The following MACROD2 variants were observed in gnomAD, a reference collection of about 807,000 sequenced individuals.
The protein encoded by MACROD2 is mono-ADP ribosylhydrolase 2.
A neutral mutation model predicts 70.4 loss-of-function variants in MACROD2; 36 were observed. The observed-to-expected ratio is 0.51, with a 90% CI of 0.39 to 0.68. MACROD2 has a LOEUF of 0.68. MACROD2 is among the 30% of genes least tolerant of loss of function. The pLI, the probability that MACROD2 is intolerant of heterozygous loss-of-function variation, is 0.00. For missense variants in MACROD2, 496 were observed against 538.4 expected (o/e 0.92, Z 0.78); for synonymous variants, 172 against 178.8 (o/e 0.96, Z 0.30).
At chr20:15,389,133 A>G (rs1600337781) in intron 6 of MACROD2, among the ~76,000 whole-genome samples, 1 of 152,126 alleles carries the variant, frequency 6.6e-6, no homozygotes, top group African/African-American at 2.4e-5. Flanking sequence ...AAGTGGAGGG[A>G]GTAGAGACAT....
rs1291871228 is a variant in MACROD2 at position 15,378,720 on chromosome 20, T to C, written c.541-52685T>C. On this transcript the variant is annotated intron_variant, in intron 6 of 17. Transcript: ENST00000684519. ...ATCACTTTAACAGTTAAAAAGTATA[T>C]GTGATTTTTATATATGTGAAACTTT... is the stretch of plus-strand genomic sequence containing the variant. Among the ~76,000 whole-genome samples, 4 of 152,178 alleles carry C rather than the reference T, an allele frequency of 2.6e-5. No individual in the cohort carries two copies. In the East Asian group the frequency reaches 5.8e-4, roughly 22 times the overall value.
At chr20:15,142,594 G>A (rs1269464260) in intron 5 of MACROD2, among the ~76,000 whole-genome samples, 1 of 151,996 alleles carries the variant, frequency 6.6e-6, no homozygotes, top group East Asian at 1.9e-4. Context: ...CATGTGCCAT[G>A]TTGGTGTGCT....
chr20:15,743,123 G>A (rs753918416), intron 8 of MACROD2, among the ~76,000 whole-genome samples: 16 of 152,254 alleles, frequency 1.1e-4, no homozygotes, highest in Non-Finnish European at 2.1e-4. Flanking sequence ...GAAGAACCTG[G>A]GTAAGTTGCT....
intron 8 of MACROD2, among the ~76,000 whole-genome samples, chr20:15,795,989 A>C (rs754142548): frequency 1.3e-5 from 2 of 152,186 alleles, no homozygotes; most frequent in African/African-American, 4.8e-5. Flanking sequence ...ACATTTCTCA[A>C]CCTGTAGACA....
rs183432246 is a variant in MACROD2, at chr20:14,819,039, T to G, written c.418+134080T>G. On this transcript the variant is annotated intron_variant, in intron 5 of 17. Transcript: ENST00000684519. ...CAGCACTTTGGGAGGCCGAGGTGGG[T>G]GGATCACTTGAGGTCAGGAGTTCGA... is the stretch of plus-strand genomic sequence containing the variant. Among the ~76,000 whole-genome samples the G allele has an allele frequency of 8.9e-3, 1,345 of 151,570 alleles. 20 individuals carry two copies. Among genetic ancestry groups the G allele is most frequent in the African/African-American group, 0.031 (1,269 of 41,334 alleles).
At chr20:15,681,948 A>T (rs2050165604) in intron 8 of MACROD2, among the ~76,000 whole-genome samples, 1 of 152,166 alleles carries the variant, frequency 6.6e-6, no homozygotes, top group Admixed American at 6.5e-5. Context: ...AAGGTGATAG[A>T]TTGGTGGCCA....
intron 8 of MACROD2, among the ~76,000 whole-genome samples, chr20:15,578,631 A>T: frequency 6.6e-6 from 1 of 152,274 alleles, no homozygotes; most frequent in African/African-American, 2.4e-5. Flanking sequence ...AGAAGTCACA[A>T]TGGAAGTTAT....
chr20:14,765,986 C>T (rs1045327508), intron 5 of MACROD2, among the ~76,000 whole-genome samples: 2 of 152,090 alleles, frequency 1.3e-5, no homozygotes, highest in Non-Finnish European at 2.9e-5. Flanking sequence ...CACCTTAATC[C>T]ACATTACATT....
intron 6 of MACROD2, among the ~76,000 whole-genome samples, chr20:15,247,492 A>T (rs1010007656): frequency 3.3e-5 from 5 of 152,190 alleles, no homozygotes; most frequent in Admixed American, 6.5e-5. Context: ...GTATTTTTTT[A>T]AATGGAAAGC....
chr20:14,147,145 A>G (rs2148709100), intron 3 of MACROD2, among the ~76,000 whole-genome samples: 1 of 152,314 alleles, frequency 6.6e-6, no homozygotes, highest in South Asian at 2.1e-4. Flanking sequence ...GTGTTATCAC[A>G]TTGAATCTTC....
chr20:14,947,042 C>A lies in MACROD2; in HGVS notation c.418+262083C>A, dbSNP rs1029323554. Among the ~76,000 whole-genome samples the A allele has an allele frequency of 1.3e-5, 2 of 152,156 alleles. 1 individual carries two copies. Among genetic ancestry groups the A allele is most frequent in the African/African-American group, 4.8e-5 (2 of 41,454 alleles). On this transcript the variant is annotated intron_variant, in intron 5 of 17. Coordinates refer to ENST00000684519, the MANE Select transcript of MACROD2 (RefSeq NM_001351661.2). Reference sequence around the variant, plus strand: ...TTGATCCCTTCCAGATGGCCGGATACCTGGCTGTCGGATCCTTGGCTCAGC... The same window carrying A: ...TTGATCCCTTCCAGATGGCCGGATAACTGGCTGTCGGATCCTTGGCTCAGC...
intron 5 of MACROD2, among the ~76,000 whole-genome samples, chr20:15,209,110 T>G (rs2076737840): frequency 7.0e-6 from 1 of 142,958 alleles, no homozygotes; most frequent in African/African-American, 2.7e-5. Flanking sequence ...GTGGTGGTGG[T>G]GGTGGTATTT....
chr20:14,095,885 C>G (rs2054217393), intron 3 of MACROD2, among the ~76,000 whole-genome samples: 1 of 152,106 alleles, frequency 6.6e-6, no homozygotes, highest in Non-Finnish European at 1.5e-5. Context: ...TTTGACAGTT[C>G]ATTGTAACTT....
chr20:14,687,228 T>G (rs1298774187), intron 5 of MACROD2, among the ~76,000 whole-genome samples: 1 of 152,220 alleles, frequency 6.6e-6, no homozygotes, highest in African/African-American at 2.4e-5. Context: ...TTCACTGTTT[T>G]CTTTTTTATG....
At position 14,211,747 on chromosome 20, in the gene MACROD2, G is replaced by A. The variant is rs370433444; in HGVS notation, c.271+126019G>A. 2.6e-5 allele frequency among the ~76,000 whole-genome samples: 4 copies of A among 152,246 alleles called. No individual in the cohort carries two copies. In the East Asian group the frequency reaches 7.7e-4, roughly 29 times the overall value. ...GAGTGGTCACCGTAGTGTGTCTCTAGACTGAAGGTCTCAGCATGTGAAAGG... is the reference window on the plus strand; with the variant it reads ...GAGTGGTCACCGTAGTGTGTCTCTAAACTGAAGGTCTCAGCATGTGAAAGG... On this transcript the variant is annotated intron_variant, in intron 3 of 17. Transcript: ENST00000684519.
In MACROD2 at chr20:14,314,760, C is replaced by CTAAATAAATAAA. The variant is rs112460293; in HGVS notation, c.272-178694_272-178683dup. Among the ~76,000 whole-genome samples, 344 of 148,084 alleles carry CTAAATAAATAAA rather than the reference C, an allele frequency of 2.3e-3. 2 individuals are homozygous for CTAAATAAATAAA. Among genetic ancestry groups the CTAAATAAATAAA allele is most frequent in the African/African-American group, 8.1e-3 (325 of 40,284 alleles). ...GGGCAACAAGAGTGAGACTTCGTCT[C>CTAAATAAATAAA]TAAATAAATAAATAAATAAATAAAT... On this transcript the variant is annotated intron_variant, in intron 3 of 17. Transcript: ENST00000684519.
intron 6 of MACROD2, among the ~76,000 whole-genome samples, chr20:15,297,756 C>T (rs748917169): frequency 5.9e-5 from 9 of 152,142 alleles, no homozygotes; most frequent in Admixed American, 2.0e-4. Flanking sequence ...ACTTTGACTT[C>T]GTCAGAAGAG....
intron 17 of MACROD2, among the ~76,000 whole-genome samples, chr20:16,046,675 CTTTTTTTTTTT>C (rs557907668): frequency 2.3e-5 from 2 of 85,500 alleles, no homozygotes; most frequent in Non-Finnish European, 4.3e-5. Flanking sequence ...GGTGTCAAAA[CTTTTTTTTTTT>C]TTTTTTTTTT....
At chr20:15,030,978 C>T (rs1343466556) in intron 5 of MACROD2, among the ~76,000 whole-genome samples, 1 of 152,176 alleles carries the variant, frequency 6.6e-6, no homozygotes, top group African/African-American at 2.4e-5. Flanking sequence ...GTGCACTTGG[C>T]TCGCGCTACC....
Sources: allele counts gnomAD v4.1 joint callset (sites outside exome capture counted in the v4.1 genomes callset), GRCh38; gene constraint gnomAD v4.1.1; transcripts MANE v1.5; gene names NCBI Gene and HGNC (gene_info 2026-07-23, HGNC 2026-07-21).